PHLDB2: variants seen among roughly 807,000 people sequenced by gnomAD.
PHLDB2 encodes the protein pleckstrin homology-like domain family B member 2.
PHLDB2 carries 71 observed loss-of-function variants against 123.6 expected under a neutral mutation model. The ratio of observed to expected loss-of-function variants is 0.57; its 90% CI spans 0.47 to 0.70. The LOEUF (loss-of-function observed/expected upper bound fraction) is 0.70. Ranked by LOEUF, PHLDB2 falls within the 30% of genes least tolerant of loss-of-function variation. The pLI, the probability that PHLDB2 is intolerant of heterozygous loss-of-function variation, is 0.00. For synonymous variants in PHLDB2, 547 were observed against 541.6 expected (o/e 1.01, Z -0.14); for missense variants, 1,446 against 1,519.5 (o/e 0.95, Z 0.80).
intron 15 of PHLDB2, among the ~76,000 whole-genome samples, chr3:111,969,130 T>G (rs1452895913): frequency 6.6e-6 from 1 of 152,216 alleles, no homozygotes; most frequent in Non-Finnish European, 1.5e-5. Context: ...ACTTCTGTCT[T>G]TATGTTAGCT....
At chr3:111,763,569 A>G (rs951389980) in intron 1 of PHLDB2, among the ~76,000 whole-genome samples, 21 of 152,128 alleles carry the variant, frequency 1.4e-4, no homozygotes, top group African/African-American at 5.1e-4. Flanking sequence ...TTTTATTATT[A>G]TTGTTACTAC....
intron 2 of PHLDB2, among the ~76,000 whole-genome samples, chr3:111,897,514 T>A (rs145871756): frequency 4.4e-4 from 67 of 152,360 alleles, no homozygotes; most frequent in African/African-American, 1.6e-3. Flanking sequence ...TCTGGTGAAG[T>A]CTAATGACTG....
rs569754350 is a variant in PHLDB2, at chr3:111,911,644, A to G, written c.1336-1675A>G. ...AGAAGAGCCCAAGATGAGAGTGTGT[A>G]GCTATGAGTGCCTGCCGTGGGAAGA... On this transcript the variant is annotated intron_variant, in intron 2 of 17. Coordinates refer to ENST00000431670, the MANE Select transcript of PHLDB2 (RefSeq NM_001134438.2). 1.6e-4 allele frequency: 240 copies of G among 1,536,228 alleles called. 1 individual carries two copies. The African/African-American group carries it at 3.0e-3, about 19-fold the overall frequency.
chr3:111,873,120 G>C (rs2065427014), intron 1 of PHLDB2, among the ~76,000 whole-genome samples: 1 of 152,148 alleles, frequency 6.6e-6, no homozygotes, highest in South Asian at 2.1e-4. Flanking sequence ...GTGCATGGCT[G>C]TTTCTAAGAT....
intron 2 of PHLDB2, chr3:111,846,043 C>A (rs2063969089): frequency 1.7e-6 from 2 of 1,150,516 alleles, no homozygotes; most frequent in South Asian, 3.0e-5. Context: ...AGGAGTCCAG[C>A]AATCATTGGG....
chr3:111,761,179 A>C (rs1390301497), intron 1 of PHLDB2, among the ~76,000 whole-genome samples: 1 of 118,478 alleles, frequency 8.4e-6, no homozygotes, highest in Non-Finnish European at 1.7e-5. Flanking sequence ...GTGAGACTCC[A>C]TCTCAAAAAA....
chr3:111,786,270 GA>G (rs1057106324), intron 1 of PHLDB2, among the ~76,000 whole-genome samples: 8 of 152,058 alleles, frequency 5.3e-5, no homozygotes, highest in African/African-American at 1.4e-4. Flanking sequence ...ATAATGACAA[GA>G]AAAAAAGTCA....
intron 2 of PHLDB2, among the ~76,000 whole-genome samples, chr3:111,895,857 A>AATCT (rs10671387): frequency 5.6e-4 from 54 of 96,080 alleles, no homozygotes; most frequent in Admixed American, 1.2e-3. Flanking sequence ...AAAAAAAAAA[A>AATCT]ATCTATCTAT....
rs1429654518 is a variant in PHLDB2, at chr3:111,757,874, A to C, written c.-49+25171A>C. The stretch of plus-strand genomic sequence containing the variant: ...AGTTTGCTAGAAGTCCACTCCAGAC[A>C]CTGTTTGCCTCGGTATCTGCAGCGG... On this transcript the variant is annotated intron_variant, in intron 1 of 17. Transcript: ENST00000393923. Among the ~76,000 whole-genome samples, 4 of 152,262 alleles carry C rather than the reference A, an allele frequency of 2.6e-5. No homozygotes were observed. The East Asian group carries it at 7.7e-4, about 29-fold the overall frequency.
At chr3:111,887,373 G>C (rs1421263904) in intron 2 of PHLDB2, among the ~76,000 whole-genome samples, 1 of 152,156 alleles carries the variant, frequency 6.6e-6, no homozygotes, top group Non-Finnish European at 1.5e-5. Flanking sequence ...CTCTAGACTT[G>C]ATCTTGGTTG....
chr3:111,920,243 A>G (rs369383357), intron 4 of PHLDB2, 39 bp from the exon 5 acceptor site: 17 of 1,596,212 alleles, frequency 1.1e-5, no homozygotes, highest in Admixed American at 1.8e-5. Flanking sequence ...GAATATCCCC[A>G]AAGGTGAAAC....
intron 1 of PHLDB2, among the ~76,000 whole-genome samples, chr3:111,788,025 G>A (rs1038147349): frequency 1.3e-5 from 2 of 152,146 alleles, no homozygotes; most frequent in African/African-American, 4.8e-5. Flanking sequence ...TTGGAAACAG[G>A]TCAAGACTCC....
intron 1 of PHLDB2, among the ~76,000 whole-genome samples, chr3:111,740,390 T>C (rs2059582868): frequency 6.6e-6 from 1 of 151,994 alleles, no homozygotes; most frequent in African/African-American, 2.4e-5. Flanking sequence ...TAATTAACTA[T>C]CATCACCAGG....
intron 12 of PHLDB2, 140 bp from the exon 13 acceptor site, chr3:111,961,965 ATCT>A (rs1427699501): frequency 1.2e-5 from 9 of 750,860 alleles, no homozygotes; most frequent in Non-Finnish European, 2.0e-5. Context: ...TCTTTCTTTG[ATCT>A]TCTTGGCTTC....
intron 1 of PHLDB2, among the ~76,000 whole-genome samples, chr3:111,786,847 TAGTC>T (rs1388249382): frequency 2.0e-5 from 3 of 152,286 alleles, no homozygotes; most frequent in Non-Finnish European, 2.9e-5. Context: ...ATAAATGACA[TAGTC>T]AGGTTTTCAA....
Position 111,734,553 on chromosome 3 carries a change from C to G in PHLDB2, c.-49+1850C>G, listed in dbSNP as rs1941621270. ...AGGGCCTAAAACAAACTGGAAGCCC[C>G]TAAGGGTATGTACAGCTTTTTCTTT... On this transcript the variant is annotated intron_variant, in intron 1 of 17. Transcript: ENST00000393923. 2.0e-5 allele frequency among the ~76,000 whole-genome samples: 3 copies of G among 152,280 alleles called. No homozygotes were observed. In the South Asian group the frequency reaches 6.2e-4, roughly 32 times the overall value.
At chr3:111,761,329 G>A (rs75251475) in intron 1 of PHLDB2, among the ~76,000 whole-genome samples, 8 of 152,066 alleles carry the variant, frequency 5.3e-5, no homozygotes, top group African/African-American at 1.9e-4. Flanking sequence ...CATCCACAAT[G>A]GGAAATGAGC....
chr3:111,971,369 A>T (rs2072168368), intron 16 of PHLDB2, among the ~76,000 whole-genome samples: 1 of 152,042 alleles, frequency 6.6e-6, no homozygotes, highest in African/African-American at 2.4e-5. Context: ...AACTGCTTCA[A>T]ACCTAAGCTC....
In PHLDB2 at chr3:111,969,776, C is replaced by G; in HGVS notation, c.3402C>G (p.Asp1134Glu). ...TAGAGACTGCTGGCCACAATATTGACACCTGTTACCATGTATCAATCACAG... is the reference window on the plus strand; with the variant it reads ...TAGAGACTGCTGGCCACAATATTGAGACCTGTTACCATGTATCAATCACAG... ...SHVETAGHNI[D>E]TCYHVSITEK... The change falls in exon 16 of 18, where the codon GAC becomes GAG. Residue 1134 changes from aspartate to glutamate, a missense_variant. By Grantham distance (45) the Asp-to-Glu change is conservative. This residue lies in a region of PHLDB2 where 594 missense variants were observed against 646.0 expected (regional missense o/e 0.92). Transcript: ENST00000431670. The G allele has an allele frequency of 6.2e-7, 1 of 1,613,770 alleles. No individual in the cohort carries two copies. Among genetic ancestry groups the G allele is most frequent in the Non-Finnish European group, 8.5e-7 (1 of 1,179,678 alleles).
Sources: allele counts gnomAD v4.1 joint callset (sites outside exome capture counted in the v4.1 genomes callset), GRCh38; gene constraint gnomAD v4.1.1; regional missense constraint gnomAD v4.1.1; transcripts MANE v1.5; gene names NCBI Gene and HGNC (gene_info 2026-07-23, HGNC 2026-07-21).